SOHLH1: variants seen among roughly 807,000 people sequenced by gnomAD.
SOHLH1 encodes spermatogenesis- and oogenesis-specific basic helix-loop-helix-containing protein 1.
SOHLH1 carries 23 observed loss-of-function variants against 36.2 expected under a neutral mutation model. That is an observed-to-expected ratio of 0.64 (90% CI 0.46 to 0.90). The LOEUF is 0.90. Among genes scored for constraint, SOHLH1 ranks in the 40% least tolerant of loss-of-function variants. The pLI is 0.00. For synonymous variants in SOHLH1, 289 were observed against 228.3 expected (o/e 1.27, Z -2.40); for missense variants, 608 against 517.0 (o/e 1.18, Z -1.71).
At chr9:135,694,910 C>A in intron 6 of SOHLH1, 140 bp downstream of exon 6, 1 of 990,396 alleles carries the variant, frequency 1.0e-6, no homozygotes, top group Non-Finnish European at 1.5e-6. Context: ...TGGCCTCCCT[C>A]CCACGGGCAC....
intron 1 of SOHLH1, 50 bp downstream of exon 1, chr9:135,699,353 G>A (rs1834945129): frequency 4.4e-6 from 7 of 1,577,040 alleles, no homozygotes; most frequent in Non-Finnish European, 6.1e-6. Flanking sequence ...AGAACCCCTG[G>A]GTACAGGCCT....
intron 3 of SOHLH1, 100 bp downstream of exon 3, chr9:135,698,229 A>C (rs1834886106): frequency 6.5e-7 from 1 of 1,543,642 alleles, no homozygotes; most frequent in South Asian, 1.1e-5. Context: ...CAGAGGGCTG[A>C]AGGAGACGGG....
At position 135,695,043 on chromosome 9, in the gene SOHLH1, C is replaced by T. The variant is rs1834733248; in HGVS notation, c.875+7G>A. On this transcript the variant is annotated splice_region_variant and intron_variant, in intron 6 of 7. Transcript: ENST00000425225. ...CACACAGGCGTGCACACCACCTGGGCACTCACCCGGCCTCCTGCGCCAGCA... is the reference window on the plus strand; with the variant it reads ...CACACAGGCGTGCACACCACCTGGGTACTCACCCGGCCTCCTGCGCCAGCA... 3 of 1,587,452 alleles carry T rather than the reference C, an allele frequency of 1.9e-6. No homozygotes were observed. The highest frequency in any genetic ancestry group is 4.6e-5 in the East Asian group (2 of 43,238).
chr9:135,699,079 C>G lies in SOHLH1; in HGVS notation c.113G>C (p.Gly38Ala). Residue 38 changes from glycine to alanine, a missense_variant, in exon 2 of 8, where the codon GGC becomes GCC. By Grantham distance (60) the Gly-to-Ala change is moderately conservative. Coordinates refer to ENST00000425225, the MANE Select transcript of SOHLH1 (RefSeq NM_001101677.2). ...ALSCCEDSAR[G>A]SGPPKAPTVA... ...CGTAGGGGCCTTGGGCGGGCCCGAG[C>G]CCCGGGCCGAGTCCTCGCAGCAGGA... is the stretch of plus-strand genomic sequence containing the variant. 1 of 1,610,508 alleles carries G rather than the reference C, an allele frequency of 6.2e-7. No homozygotes were observed. The highest frequency in any genetic ancestry group is 1.1e-5 in the South Asian group (1 of 90,960).
chr9:135,694,503 C>G, intron 6 of SOHLH1, 46 bp from the exon 7 acceptor site: 2 of 1,605,468 alleles, frequency 1.2e-6, no homozygotes, highest in Non-Finnish European at 8.5e-7. Flanking sequence ...CGGACCCAGA[C>G]CTTGGAGCTC....
At position 135,697,754 on chromosome 9, in the gene SOHLH1, G is replaced by A. The variant is rs556257624; in HGVS notation, c.346-127C>T. On this transcript the variant is annotated intron_variant, in intron 3 of 7. Transcript: ENST00000425225. ...TGAGCTCGGTCCCCGCTTGGAACTT[G>A]GGGGCGAGAGTACAGGTTGACAACG... 6.7e-5 allele frequency: 76 copies of A among 1,130,452 alleles called. 1 individual carries two copies. Among genetic ancestry groups the A allele is most frequent in the South Asian group, 6.5e-4 (50 of 76,474 alleles). 70.0% of individuals were successfully genotyped at this position (1,130,452 alleles called of 1,614,324 possible). A position where few individuals can be genotyped will look rare whatever the true frequency, so the allele number is the denominator to read the frequency against.
rs1290184589 is a variant in SOHLH1, at chr9:135,698,988, C to T, written c.197+7G>A. 2 of 1,611,406 alleles carry T rather than the reference C, an allele frequency of 1.2e-6. No homozygotes were observed. The highest frequency in any genetic ancestry group is 1.7e-5 in the Admixed American group (1 of 60,018). On this transcript the variant is annotated splice_region_variant and intron_variant, in intron 2 of 7. Transcript: ENST00000425225. ...CGCCCTCACCCCTGGGAGGCACCACCACTCACCTGCGCTCCCTCTCGCTGA... is the reference window on the plus strand; with the variant it reads ...CGCCCTCACCCCTGGGAGGCACCACTACTCACCTGCGCTCCCTCTCGCTGA...
Position 135,699,075 on chromosome 9 carries a change from C to G in SOHLH1, c.117G>C (p.Ser39=), listed in dbSNP as rs771059812. ...CCACCGTAGGGGCCTTGGGCGGGCC[C>G]GAGCCCCGGGCCGAGTCCTCGCAGC... ...LSCCEDSARG[S]GPPKAPTVAE... is the part of the protein sequence containing the mutation. The change falls in exon 2 of 8, where the codon TCG becomes TCC. Residue 39 remains serine (S), a synonymous_variant. Transcript: ENST00000425225. 13 of 1,610,552 alleles carry G rather than the reference C, an allele frequency of 8.1e-6. No individual in the cohort carries two copies. In the East Asian group the frequency reaches 8.9e-5, roughly 11 times the overall value.
chr9:135,698,135 C>T (rs1834882482), intron 3 of SOHLH1, among the ~76,000 whole-genome samples, 194 bp downstream of exon 3: 2 of 152,122 alleles, frequency 1.3e-5, no homozygotes, highest in South Asian at 4.2e-4. Context: ...TGCTCCTTTC[C>T]AGGAACAGAA....
In SOHLH1 at chr9:135,697,661, G is replaced by A. The variant is rs1349061417; in HGVS notation, c.346-34C>T. ...TAAGTAAACATGTAAAACAAAGACA[G>A]AGACAGTCAGCTGAGAAACCCAAGA... On this transcript the variant is annotated intron_variant, in intron 3 of 7. Transcript: ENST00000425225. The A allele has an allele frequency of 5.6e-6, 9 of 1,600,006 alleles. No homozygotes were observed. The African/African-American group carries it at 6.7e-5, about 12-fold the overall frequency.
Position 135,693,581 on chromosome 9 carries a change from C to G in SOHLH1, c.*16G>C. ...GATCCACCGGCCCCGCCCGCCTCCTCTCCACAGCCTGGCTGCTAGCAGGCA... is the reference window on the plus strand; with the variant it reads ...GATCCACCGGCCCCGCCCGCCTCCTGTCCACAGCCTGGCTGCTAGCAGGCA... On this transcript the variant is annotated 3_prime_UTR_variant, in exon 8 of 8. Transcript: ENST00000425225. The G allele has an allele frequency of 6.4e-7, 1 of 1,551,852 alleles. No individual in the cohort carries two copies. Among genetic ancestry groups the G allele is most frequent in the Non-Finnish European group, 8.7e-7 (1 of 1,146,070 alleles).
chr9:135,695,209 C>A lies in SOHLH1; in HGVS notation c.716G>T (p.Arg239Met). The change falls in exon 6 of 8, where the codon AGG becomes ATG. Residue 239 changes from arginine to methionine, a missense_variant. By Grantham distance (91) the Arg-to-Met change is moderately conservative. Coordinates refer to ENST00000425225, the MANE Select transcript of SOHLH1 (RefSeq NM_001101677.2). ...GAACGGAGGCCAGGACAGGGGTGGC[C>A]TCACAGCCTTAGGAAGACTCCGGCC... ...PPGRSLPKAV[R>M]PPLSWPPFSQ... 1 of 1,605,620 alleles carries A rather than the reference C, an allele frequency of 6.2e-7. No homozygotes were observed.
At chr9:135,698,584 G>C in intron 2 of SOHLH1, 108 bp from the exon 3 acceptor site, 2 of 1,500,692 alleles carry the variant, frequency 1.3e-6, no homozygotes, top group African/African-American at 1.4e-5. Context: ...GTCAGGCAGA[G>C]GGGGCTACAA....
rs1369236951 is a variant in SOHLH1, at chr9:135,696,373, T to C, written c.661+239A>G. On this transcript the variant is annotated intron_variant, in intron 5 of 7. Coordinates refer to ENST00000425225, the MANE Select transcript of SOHLH1 (RefSeq NM_001101677.2). ...GGTGGCCTTTGCCCAGGACTCTCCC[T>C]TCCTCGAGCCACACTTCCTCCCTCC... Among the ~76,000 whole-genome samples, 3 of 152,088 alleles carry C rather than the reference T, an allele frequency of 2.0e-5. No individual in the cohort carries two copies. In the East Asian group the frequency reaches 5.8e-4, roughly 29 times the overall value.
chr9:135,699,963 C>CCA (rs1428799317), upstream of SOHLH1, among the ~76,000 whole-genome samples: 2 of 152,060 alleles, frequency 1.3e-5, no homozygotes, highest in Non-Finnish European at 2.9e-5. Flanking sequence ...CCCCAGTCGC[C>CCA]CACGCCTCCA....
chr9:135,698,605 A>T, intron 2 of SOHLH1, 129 bp from the exon 3 acceptor site: 1 of 1,361,052 alleles, frequency 7.3e-7, no homozygotes, highest in Non-Finnish European at 1.0e-6. Context: ...GATGACTCAG[A>T]GCTGCCCCCG....
At chr9:135,699,522 C>G, upstream of SOHLH1, 5 of 1,565,248 alleles carry the variant, frequency 3.2e-6, no homozygotes, top group Non-Finnish European at 4.3e-6. Context: ...CAGGCAGCCC[C>G]GCCCCCTCAC....
intron 1 of SOHLH1, 29 bp from the exon 2 acceptor site, chr9:135,699,155 C>CT (rs1834935266): frequency 6.4e-7 from 1 of 1,570,616 alleles, no homozygotes; most frequent in South Asian, 1.1e-5. Context: ...GCACCGGGCC[C>CT]TGAGAACCCC....
At chr9:135,697,247 A>T (rs1249205927) in intron 4 of SOHLH1, among the ~76,000 whole-genome samples, 1 of 152,132 alleles carries the variant, frequency 6.6e-6, no homozygotes, top group Non-Finnish European at 1.5e-5. Context: ...AGCAGAAGAG[A>T]TCCTCCCGGG....
Sources: gnomAD v4.1 joint callset for allele counts (sites outside exome capture counted in the v4.1 genomes callset) on GRCh38, gnomAD v4.1.1 for gene constraint, MANE v1.5 for transcripts, NCBI Gene and HGNC (gene_info 2026-07-23, HGNC 2026-07-21) for gene names.